WFIKKN1: variants seen among roughly 807,000 people sequenced by gnomAD.
The protein encoded by WFIKKN1 is WAP, follistatin/kazal, immunoglobulin, kunitz and netrin domain containing 1.
Under a neutral mutation model 4.6 loss-of-function variants are expected in WFIKKN1, and 6 were observed. That is an observed-to-expected ratio of 1.31 (90% CI 0.72 to 2.59). The LOEUF (loss-of-function observed/expected upper bound fraction) is 2.59. Among genes scored for constraint, WFIKKN1 ranks in the 30% most tolerant of loss-of-function variants. The pLI is 0.00. For synonymous variants in WFIKKN1, 468 were observed against 367.4 expected (o/e 1.27, Z -3.13); for missense variants, 964 against 818.0 (o/e 1.18, Z -2.18).
Position 633,087 on chromosome 16 carries a change from G to C in WFIKKN1, c.677G>C (p.Arg226Pro). 6.2e-7 allele frequency: 1 copy of C among 1,612,228 alleles called. No homozygotes were observed. The highest frequency in any genetic ancestry group is 8.5e-7 in the Non-Finnish European group (1 of 1,179,596). The change falls in exon 2 of 2, where the codon CGA (arginine) becomes CCA (proline). Residue 226 changes from arginine to proline, a missense_variant. Physicochemically the swap from Arg to Pro is moderately radical, Grantham distance 103 (BLOSUM62 -2). Transcript: ENST00000319070. ...AVTWEKQSHQ[R>P]ENLIMRPDQM... ...ACCTGGGAGAAGCAGAGTCACCAGC[G>C]AGAGAACCTGATCATGCGCCCTGAT... is the stretch of plus-strand genomic sequence containing the variant.
Position 631,593 on chromosome 16 carries a change from A to G in WFIKKN1, c.171+169A>G, listed in dbSNP as rs1209881176. 7.9e-6 allele frequency: 4 copies of G among 503,538 alleles called. No individual in the cohort carries two copies. In the African/African-American group the frequency reaches 1.4e-4, roughly 17 times the overall value. The allele number at this position is 503,538 out of a possible 1,614,324, so 31.2% of individuals were successfully genotyped here. ...ATCGTTGCCCTCATTTGTCTTAAGA[A>G]TAAGAGCCCTCCCCACTCCAGCTTT... On this transcript the variant is annotated intron_variant, in intron 1 of 1. Transcript: ENST00000319070.
At position 633,372 on chromosome 16, in the gene WFIKKN1, C is replaced by T. The variant is rs766108080; in HGVS notation, c.962C>T (p.Pro321Leu). ...CACCTTGTCCTCTGGCACTACGACC[C>T]GCAGCGGGGCGGCTGCATGACCTTC... ...SPHLVLWHYD[P>L]QRGGCMTFPA... The change falls in exon 2 of 2, where the codon CCG becomes CTG. Residue 321 changes from proline to leucine, a missense_variant. Coordinates refer to ENST00000319070, the MANE Select transcript of WFIKKN1 (RefSeq NM_053284.3). The T allele has an allele frequency of 9.6e-6, 15 of 1,566,714 alleles. No individual in the cohort carries two copies. The highest frequency in any genetic ancestry group is 6.9e-5 in the East Asian group (3 of 43,432).
Position 631,177 on chromosome 16 carries a change from T to C in WFIKKN1, c.-77T>C. On this transcript the variant is annotated 5_prime_UTR_variant, in exon 1 of 2. Transcript: ENST00000319070. ...ACCACAGGCCCGGAGGGTGGATGCC[T>C]GCAGGAAGCTGGGCTCTGTGGAGCC... The C allele has an allele frequency of 3.4e-6, 5 of 1,463,028 alleles. 1 individual carries two copies. The highest frequency in any genetic ancestry group is 4.5e-6 in the Non-Finnish European group (5 of 1,106,790). 90.6% of individuals were successfully genotyped at this position (1,463,028 alleles called of 1,614,324 possible).
chr16:633,333 G>T lies in WFIKKN1; in HGVS notation c.923G>T (p.Gly308Val). ...ECLPDVQACT[G>V]PTSPHLVLWH... ...CTGCCGGATGTGCAGGCCTGCACGG[G>T]CCCCACTTCCCCACACCTTGTCCTC... is the stretch of plus-strand genomic sequence containing the variant. Residue 308 changes from glycine to valine, a missense_variant, in exon 2 of 2, where the codon GGC becomes GTC. Physicochemically the swap from Gly to Val is moderately radical, Grantham distance 109. Coordinates refer to ENST00000319070, the MANE Select transcript of WFIKKN1 (RefSeq NM_053284.3). 2 of 1,584,700 alleles carry T rather than the reference G, an allele frequency of 1.3e-6. No homozygotes were observed. The highest frequency in any genetic ancestry group is 8.5e-7 in the Non-Finnish European group (1 of 1,169,922).
In WFIKKN1 at chr16:631,113, G is replaced by A. The variant is rs1044831849; in HGVS notation, c.-141G>A. The A allele has an allele frequency of 4.0e-6, 4 of 997,592 alleles. No homozygotes were observed. Among genetic ancestry groups the A allele is most frequent in the African/African-American group, 3.4e-5 (2 of 59,058 alleles). The allele number at this position is 997,592 out of a possible 1,614,324, so 61.8% of individuals were successfully genotyped here. ...GCATCTGCTGCAGGCTTCAGCCTCA[G>A]GGGCAAAAGGGAGCCCCGGGGTCCT... On this transcript the variant is annotated 5_prime_UTR_variant, in exon 1 of 2. Transcript: ENST00000319070.
rs779052519 is a variant in WFIKKN1, at chr16:632,725, C to T, written c.315C>T (p.Cys105=). 12 of 1,610,426 alleles carry T rather than the reference C, an allele frequency of 7.5e-6. No homozygotes were observed. The highest frequency in any genetic ancestry group is 3.3e-5 in the Admixed American group (2 of 59,844). ...TGTGCCCACAGCAGGGCTCGGACTG[C>T]GACATCTGGGACGGGCAGCCCGTGT... is the stretch of plus-strand genomic sequence containing the variant. The part of the protein sequence containing the change: ...GFVCPQQGSD[C]DIWDGQPVCR... Residue 105 remains cysteine, a synonymous_variant, in exon 2 of 2, where the codon TGC becomes TGT. Transcript: ENST00000319070.
chr16:631,265 A>C lies in WFIKKN1; in HGVS notation c.12A>C (p.Leu4=), dbSNP rs770057467. Residue 4 remains leucine, a synonymous_variant, in exon 1 of 2, where the codon CTA becomes CTC. Coordinates refer to ENST00000319070, the MANE Select transcript of WFIKKN1 (RefSeq NM_053284.3). MPA[L]RPLLPLLLLL... ...GCTCGGCGGCCCTCATGCCCGCCCT[A>C]CGTCCACTCCTGCCGCTCCTGCTCC... 3 of 1,567,726 alleles carry C rather than the reference A, an allele frequency of 1.9e-6. No individual in the cohort carries two copies. In the South Asian group the frequency reaches 3.4e-5, roughly 18 times the overall value.
chr16:633,950 C>A lies in WFIKKN1; in HGVS notation c.1540C>A (p.Leu514Met). 6.3e-7 allele frequency: 1 copy of A among 1,596,374 alleles called. No homozygotes were observed. ...TGAGGTGCGCGATGGCGTGGCCGTG[C>A]TGGACGCCGGCAGCTACGTCCGCGC... ...MGEVRDGVAV[L>M]DAGSYVRAAS... The change falls in exon 2 of 2, where the codon CTG becomes ATG. Residue 514 changes from leucine (L) to methionine (M), a missense_variant. By Grantham distance (15) the Leu-to-Met change is conservative. Transcript: ENST00000319070.
intron 1 of WFIKKN1, chr16:631,661 G>T: frequency 2.6e-6 from 1 of 391,012 alleles, no homozygotes; most frequent in South Asian, 6.3e-5. Context: ...CATCATCCTC[G>T]GCGACCACCC....
chr16:634,115 A>G lies in WFIKKN1; in HGVS notation c.*58A>G. The G allele has an allele frequency of 2.0e-6, 3 of 1,470,134 alleles. No individual in the cohort carries two copies. The highest frequency in any genetic ancestry group is 8.9e-7 in the Non-Finnish European group (1 of 1,119,132). 91.1% of individuals were successfully genotyped at this position (1,470,134 alleles called of 1,614,324 possible). The stretch of plus-strand genomic sequence containing the variant: ...TGAATAAACGCACTCCCTGTGCCTC[A>G]GACCTCCTGGCTTGCTGCTGCTGGT... On this transcript the variant is annotated 3_prime_UTR_variant, in exon 2 of 2. Coordinates refer to ENST00000319070, the MANE Select transcript of WFIKKN1 (RefSeq NM_053284.3).
At position 632,673 on chromosome 16, in the gene WFIKKN1, C is replaced by G. The variant is rs148475508; in HGVS notation, c.263C>G (p.Thr88Arg). 1.9e-6 allele frequency: 3 copies of G among 1,605,626 alleles called. No homozygotes were observed. The highest frequency in any genetic ancestry group is 2.7e-5 in the African/African-American group (2 of 74,710). The change falls in exon 2 of 2, where the codon ACG becomes AGG. Residue 88 changes from threonine to arginine, a missense_variant. Transcript: ENST00000319070. ...TTCCCCGGCAGCCCAGCTGCGCCGA[C>G]GACAGCGGCCTCCTGCGAGGGCTTT... The part of the protein sequence containing the change: ...ARFPGSPAAP[T>R]TAASCEGFVC...
In WFIKKN1 at chr16:634,028, T is replaced by G. The variant is rs927764568; in HGVS notation, c.1618T>G (p.Cys540Gly). 2.5e-6 allele frequency: 4 copies of G among 1,594,822 alleles called. No homozygotes were observed. The highest frequency in any genetic ancestry group is 3.4e-6 in the Non-Finnish European group (4 of 1,172,918). ...CTTGGAGCTGCTGGAGAAGCAGGCC[T>G]GCGAGCTGCTCAACCGCTTCCAGGA... is the stretch of plus-strand genomic sequence containing the variant. ...KILELLEKQA[C>G]ELLNRFQD The change falls in exon 2 of 2, where the codon TGC (cysteine) becomes GGC (glycine). Residue 540 changes from cysteine (C) to glycine (G), a missense_variant. Physicochemically the swap from Cys to Gly is radical, Grantham distance 159. Coordinates refer to ENST00000319070, the MANE Select transcript of WFIKKN1 (RefSeq NM_053284.3).
At position 632,913 on chromosome 16, in the gene WFIKKN1, CG is replaced by C. The variant is rs754862279; in HGVS notation, c.507del (p.Pro170ArgfsTer48). The C allele has an allele frequency of 2.6e-6, 4 of 1,561,626 alleles. No individual in the cohort carries two copies. The African/African-American group carries it at 4.1e-5, about 16-fold the overall frequency. ...GTGCTCAGCTGGCCGCCCAGCAGCC[CG>C]GGGCCGCCGGAGACCACTGCCCGCC... is the stretch of plus-strand genomic sequence containing the variant. Reference protein sequence around the residue: ...KHVLSWPPSSPGPPETTARPT... With the variant: ...KHVLSWPPSSXGPPETTARPT... On this transcript the variant is annotated frameshift_variant, in exon 2 of 2. Coordinates refer to ENST00000319070, the MANE Select transcript of WFIKKN1 (RefSeq NM_053284.3). LOFTEE classifies it low-confidence loss of function (END_TRUNC).
At position 633,816 on chromosome 16, in the gene WFIKKN1, G is replaced by A. The variant is rs1297728530; in HGVS notation, c.1406G>A (p.Gly469Asp). 5 of 1,603,028 alleles carry A rather than the reference G, an allele frequency of 3.1e-6. No individual in the cohort carries two copies. The highest frequency in any genetic ancestry group is 1.3e-5 in the African/African-American group (1 of 74,720). The stretch of plus-strand genomic sequence containing the variant: ...GACGTGCTCAAGGATGACAAGATGG[G>A]CCTCAAGTTCTTGGGCACCAAGTAC... ...LEDVLKDDKM[G>D]LKFLGTKYLE... is the part of the protein sequence containing the mutation. The change falls in exon 2 of 2, where the codon GGC becomes GAC. Residue 469 changes from glycine to aspartate, a missense_variant. Gly to Asp is a moderately conservative substitution (Grantham distance 94). Transcript: ENST00000319070.
At position 633,499 on chromosome 16, in the gene WFIKKN1, C is replaced by T. The variant is rs1041477443; in HGVS notation, c.1089C>T (p.Ala363=). ...CCGGCGACGCCTGCGTGCTGCCTGC[C>T]GTGCAGGGCCCCTGCCGGGGCTGGG... ...RGPGDACVLP[A]VQGPCRGWEP... is the part of the protein sequence containing the mutation. The change falls in exon 2 of 2, where the codon GCC becomes GCT. Residue 363 remains alanine (A), a synonymous_variant. Transcript: ENST00000319070. 14 of 1,508,258 alleles carry T rather than the reference C, an allele frequency of 9.3e-6. No homozygotes were observed. The highest frequency in any genetic ancestry group is 2.3e-5 in the Admixed American group (1 of 44,024). The allele number at this position is 1,508,258 out of a possible 1,614,324, so 93.4% of individuals were successfully genotyped here. A position where few individuals can be genotyped will look rare whatever the true frequency, so the allele number is the denominator to read the frequency against.
chr16:631,718 C>T (rs1279422674), intron 1 of WFIKKN1: 9 of 239,542 alleles, frequency 3.8e-5, no homozygotes, highest in African/African-American at 1.7e-4. Flanking sequence ...CCACCCTCTC[C>T]TCCCATCCAC....
chr16:631,451 G>A lies in WFIKKN1; in HGVS notation c.171+27G>A, dbSNP rs200172272. 2.2e-3 allele frequency: 3,512 copies of A among 1,597,262 alleles called. 8 individuals are homozygous for A. The highest frequency in any genetic ancestry group is 2.8e-3 in the Non-Finnish European group (3,264 of 1,175,962). On this transcript the variant is annotated intron_variant, in intron 1 of 1. Transcript: ENST00000319070. ...TGAGTGTGGTCGGGCCGGGGTCCTGGGGCTCAGAGCAGCCAGCCTGGGCAA... is the reference window on the plus strand; with the variant it reads ...TGAGTGTGGTCGGGCCGGGGTCCTGAGGCTCAGAGCAGCCAGCCTGGGCAA...
In WFIKKN1 at chr16:633,078, G is replaced by C. The variant is rs145644880; in HGVS notation, c.668G>C (p.Ser223Thr). 7.3e-5 allele frequency: 118 copies of C among 1,612,218 alleles called. No individual in the cohort carries two copies. In the African/African-American group the frequency reaches 1.5e-3, roughly 20 times the overall value. ...CCTGCTGTGACCTGGGAGAAGCAGA[G>C]TCACCAGCGAGAGAACCTGATCATG... Reference protein sequence around the residue: ...PPPAVTWEKQSHQRENLIMRP... With the variant: ...PPPAVTWEKQTHQRENLIMRP... The change falls in exon 2 of 2, where the codon AGT becomes ACT. Residue 223 changes from serine (S) to threonine (T), a missense_variant. Physicochemically the swap from Ser to Thr is moderately conservative, Grantham distance 58 (BLOSUM62 1). Coordinates refer to ENST00000319070, the MANE Select transcript of WFIKKN1 (RefSeq NM_053284.3).
At chr16:632,481 G>A (rs2036962275) in intron 1 of WFIKKN1, 101 bp from the exon 2 acceptor site, 1 of 1,357,742 alleles carries the variant, frequency 7.4e-7, no homozygotes, top group Non-Finnish European at 9.6e-7. Flanking sequence ...CAGAGCGGGG[G>A]GCTCCCTGCT....
Sources: allele counts gnomAD v4.1 joint callset, GRCh38; gene constraint gnomAD v4.1.1; transcripts MANE v1.5; gene names NCBI Gene and HGNC (gene_info 2026-07-23, HGNC 2026-07-21).